The following GALNT18 variants were observed in gnomAD, a reference collection of about 807,000 sequenced individuals.
GALNT18 encodes the protein GalNAc-transferase 18.
GALNT18 carries 44 observed loss-of-function variants against 69.5 expected under a neutral mutation model. That is an observed-to-expected ratio of 0.63 (90% confidence interval 0.50 to 0.81). GALNT18 has a LOEUF of 0.81. Ranked by LOEUF, GALNT18 falls within the 40% of genes least tolerant of loss-of-function variation. The pLI, the probability that GALNT18 is intolerant of heterozygous loss-of-function variation, is 0.00. For missense variants in GALNT18, 715 were observed against 810.0 expected, an observed-to-expected ratio of 0.88 and a Z score of 1.42; for synonymous variants, 364 against 318.2, an observed-to-expected ratio of 1.14 and a Z score of -1.53.
At chr11:11,376,237 C>T (rs1191644986) in intron 5 of GALNT18, among the ~76,000 whole-genome samples, 1 of 152,146 alleles carries the variant, frequency 6.6e-6, no homozygotes, top group African/African-American at 2.4e-5. Context: ...CAAAAATCAG[C>T]CAGGTGCAGT....
In GALNT18 at chr11:11,603,881, C is replaced by T. The variant is rs1481320994; in HGVS notation, c.235+17478G>A. Among the ~76,000 whole-genome samples, 1 of 152,184 alleles carries T rather than the reference C, an allele frequency of 6.6e-6. No individual in the cohort carries two copies. Among genetic ancestry groups the T allele is most frequent in the Non-Finnish European group, 1.5e-5 (1 of 68,038 alleles). ...TGCCATGATCTAAATGTCTGTATCC[C>T]TTCCCCAAATCCATATGTTGAAATC... is the stretch of plus-strand genomic sequence containing the variant. On this transcript the variant is annotated intron_variant, in intron 1 of 10. Transcript: ENST00000227756. This position sits in a 1 kb window ranked among gnomAD's most constrained non-coding sequence, Gnocchi z 4.5.
chr11:11,481,492 C>T (rs2133869685), intron 1 of GALNT18, among the ~76,000 whole-genome samples: 1 of 152,316 alleles, frequency 6.6e-6, no homozygotes, highest in East Asian at 1.9e-4. Flanking sequence ...GATGGTGACA[C>T]TCAGTGTAGA....
chr11:11,319,444 TATCTGGCACATGA>T (rs1383652850), intron 9 of GALNT18, among the ~76,000 whole-genome samples: 1 of 152,196 alleles, frequency 6.6e-6, no homozygotes, highest in Non-Finnish European at 1.5e-5. Context: ...CCAAGAACAG[TATCTGGCACATGA>T]ATGCTGTTCA....
In GALNT18 at chr11:11,540,342, C is replaced by T. The variant is rs1857885802; in HGVS notation, c.235+81017G>A. Among the ~76,000 whole-genome samples, 1 of 152,178 alleles carries T rather than the reference C, an allele frequency of 6.6e-6. No individual in the cohort carries two copies. Among genetic ancestry groups the T allele is most frequent in the Non-Finnish European group, 1.5e-5 (1 of 68,034 alleles). ...TTGCCATGGAAACTTGTGACTCCTA[C>T]ATCCCTGATGCTAGGACAAGAGCAT... is the stretch of plus-strand genomic sequence containing the variant. On this transcript the variant is annotated intron_variant, in intron 1 of 10. Coordinates refer to ENST00000227756, the MANE Select transcript of GALNT18 (RefSeq NM_198516.3). This position sits in a 1 kb window ranked among gnomAD's most constrained non-coding sequence, Gnocchi z 4.6.
chr11:11,557,013 G>A (rs933144543), intron 1 of GALNT18, among the ~76,000 whole-genome samples: 1 of 152,206 alleles, frequency 6.6e-6, no homozygotes, highest in Non-Finnish European at 1.5e-5. Context: ...GGGTCTCAGT[G>A]AGGCTCCCAT....
chr11:11,332,949 C>T lies in GALNT18; in HGVS notation c.1279-118G>A. 1 of 1,102,076 alleles carries T rather than the reference C, an allele frequency of 9.1e-7. No homozygotes were observed. Among genetic ancestry groups the T allele is most frequent in the East Asian group, 2.4e-5 (1 of 41,554 alleles). The allele number at this position is 1,102,076 out of a possible 1,614,324, so 68.3% of individuals were successfully genotyped here. Reference sequence around the variant, plus strand: ...GATTCCTAGAGACTGGGGAAGGGACCATGTGGCACGTTAACTCTTGCATTT... The same window carrying T: ...GATTCCTAGAGACTGGGGAAGGGACTATGTGGCACGTTAACTCTTGCATTT... On this transcript the variant is annotated intron_variant, in intron 7 of 10. Transcript: ENST00000227756. The surrounding 1 kb of genome is among the most constrained non-coding windows in gnomAD (Gnocchi z 4.3).
chr11:11,448,940 G>T lies in GALNT18; in HGVS notation c.236-4C>A. The stretch of plus-strand genomic sequence containing the variant: ...TCCTCAGGCTTGGCAGGAGCCTCTG[G>T]AGAAAGAAGGAACAGGAGACAGTGG... On this transcript the variant is annotated splice_polypyrimidine_tract_variant and splice_region_variant and intron_variant, in intron 1 of 10. Coordinates refer to ENST00000227756, the MANE Select transcript of GALNT18 (RefSeq NM_198516.3). The T allele has an allele frequency of 6.4e-7, 1 of 1,574,568 alleles. No homozygotes were observed. Among genetic ancestry groups the T allele is most frequent in the Non-Finnish European group, 8.6e-7 (1 of 1,161,324 alleles).
chr11:11,407,964 A>G (rs1478868513), intron 3 of GALNT18, among the ~76,000 whole-genome samples: 36 of 152,212 alleles, frequency 2.4e-4, no homozygotes, highest in Admixed American at 2.4e-3. Flanking sequence ...AGCGCCCTAT[A>G]AGAAACATTG....
chr11:11,514,672 C>T (rs765382302), intron 1 of GALNT18, among the ~76,000 whole-genome samples: 1 of 152,214 alleles, frequency 6.6e-6, no homozygotes, highest in African/African-American at 2.4e-5. Context: ...TTTTGGCCTG[C>T]CAGCTGACCT....
intron 1 of GALNT18, among the ~76,000 whole-genome samples, chr11:11,577,967 G>C (rs942655451): frequency 6.7e-6 from 1 of 150,142 alleles, no homozygotes; most frequent in Non-Finnish European, 1.5e-5. Flanking sequence ...GAGAAAGCCA[G>C]CCTCAGCTCC....
rs1856126765 is a variant in GALNT18 at position 11,465,065 on chromosome 11, T to A, written c.236-16129A>T. ...CCCCACCAGAGTCAAGTACACAGAG[T>A]AACTTAGAACATAAGGCAACTTCTC... On this transcript the variant is annotated intron_variant, in intron 1 of 10. Coordinates refer to ENST00000227756, the MANE Select transcript of GALNT18 (RefSeq NM_198516.3). This position sits in a 1 kb window ranked among gnomAD's most constrained non-coding sequence, Gnocchi z 5.7. Among the ~76,000 whole-genome samples the A allele has an allele frequency of 6.6e-6, 1 of 151,988 alleles. No homozygotes were observed.
intron 1 of GALNT18, among the ~76,000 whole-genome samples, chr11:11,570,419 C>T (rs1003646889): frequency 2.6e-5 from 4 of 152,238 alleles, no homozygotes; most frequent in Admixed American, 1.3e-4. Context: ...CTAGCCTCTG[C>T]GCACGACCCA....
At chr11:11,380,708 C>T (rs76487723) in intron 3 of GALNT18, among the ~76,000 whole-genome samples, 4,413 of 152,318 alleles carry the variant, frequency 0.029, 153 homozygotes, top group East Asian at 0.18. Flanking sequence ...TGTGTGCACA[C>T]ATGGGTGCCT....
chr11:11,610,001 A>G (rs1267471429), intron 1 of GALNT18, among the ~76,000 whole-genome samples: 1 of 151,982 alleles, frequency 6.6e-6, no homozygotes, highest in African/African-American at 2.4e-5. Context: ...CTCCTGGGGG[A>G]AAAAATGATG....
At chr11:11,366,031 G>A (rs929047345) in intron 6 of GALNT18, among the ~76,000 whole-genome samples, 1 of 152,192 alleles carries the variant, frequency 6.6e-6, no homozygotes, top group Non-Finnish European at 1.5e-5. Context: ...ACAGTGCCCA[G>A]TACCCAGTGG....
intron 1 of GALNT18, among the ~76,000 whole-genome samples, chr11:11,503,387 C>T (rs1476531863): frequency 1.3e-5 from 2 of 152,208 alleles, no homozygotes; most frequent in Non-Finnish European, 2.9e-5. Context: ...TGTTGCTTGA[C>T]AGAGAATAGC....
intron 7 of GALNT18, among the ~76,000 whole-genome samples, chr11:11,333,419 T>C (rs1850053357): frequency 6.6e-6 from 1 of 152,204 alleles, no homozygotes; most frequent in South Asian, 2.1e-4. Context: ...CACTACATAA[T>C]CCTCCTTTAC....
chr11:11,326,964 T>C, intron 9 of GALNT18, 122 bp downstream of exon 9: 2 of 705,734 alleles, frequency 2.8e-6, no homozygotes, highest in East Asian at 5.2e-5. Context: ...CAGAGGCCCC[T>C]GGTCCCAGAG....
intron 3 of GALNT18, among the ~76,000 whole-genome samples, chr11:11,384,204 T>C (rs1400609949): frequency 1.3e-5 from 2 of 152,160 alleles, no homozygotes; most frequent in Non-Finnish European, 2.9e-5. Flanking sequence ...CCCAGTGTGA[T>C]GGTATTAGGA....
Sources: gnomAD v4.1 joint callset for allele counts (sites outside exome capture counted in the v4.1 genomes callset) on GRCh38, gnomAD v4.1.1 for gene constraint, Gnocchi (gnomAD v3.1) non-coding constraint, MANE v1.5 for transcripts, NCBI Gene and HGNC (gene_info 2026-07-23, HGNC 2026-07-21) for gene names.